The following ZNF677 variants were observed in gnomAD, a reference collection of about 807,000 sequenced individuals.
The protein encoded by ZNF677 is hypothetical protein MGC48625.
ZNF677 carries 5 observed loss-of-function variants against 8.1 expected under a neutral mutation model. The ratio of observed to expected loss-of-function variants is 0.62; its 90% CI spans 0.32 to 1.29. The LOEUF (loss-of-function observed/expected upper bound fraction) is 1.29. Among genes scored for constraint, ZNF677 ranks in the 50% most tolerant of loss-of-function variants. The probability of loss-of-function intolerance (pLI) is 0.05; values close to 1 mark genes in which losing one functional copy is unlikely to be tolerated. For synonymous variants in ZNF677, 221 were observed against 225.6 expected (o/e 0.98, Z 0.18); for missense variants, 685 against 685.9 (o/e 1.00, Z 0.01).
At position 53,237,083 on chromosome 19, in the gene ZNF677, A is replaced by G; in HGVS notation, c.1644T>C (p.His548=). 2.5e-6 allele frequency: 4 copies of G among 1,613,608 alleles called. No homozygotes were observed. The highest frequency in any genetic ancestry group is 3.4e-6 in the Non-Finnish European group (4 of 1,179,856). ...TTGAACTTTGGAATAAAGCATTACC[A>G]TGTATATTATGTTTACAATGTTTCT... ...IEKKHCKHNI[H]GNALFQSSNL... The change falls in exon 5 of 5, where the codon CAT becomes CAC. Residue 548 remains histidine, a synonymous_variant. Coordinates refer to ENST00000598513, the MANE Select transcript of ZNF677 (RefSeq NM_182609.4).
chr19:53,241,785 T>C (rs1373994105), intron 4 of ZNF677: 13 of 398,442 alleles, frequency 3.3e-5, no homozygotes. Flanking sequence ...TGTGACAGAT[T>C]AATTAATGTT....
chr19:53,238,117 T>G lies in ZNF677; in HGVS notation c.610A>C (p.Arg204=). Residue 204 remains arginine (R), a synonymous_variant, in exon 5 of 5, where the codon AGA becomes CGA. Coordinates refer to ENST00000598513, the MANE Select transcript of ZNF677 (RefSeq NM_182609.4). ...SLQAQLAELQ[R]FQTGEKMYEC... ...TACATTTTCTCCCCAGTTTGAAATC[T>G]CTGTAGTTCAGCCAGCTGTGCCTGT... 6.2e-7 allele frequency: 1 copy of G among 1,613,964 alleles called. No homozygotes were observed. The highest frequency in any genetic ancestry group is 1.1e-5 in the South Asian group (1 of 91,062).
At position 53,248,258 on chromosome 19, in the gene ZNF677, T is replaced by A. The variant is rs533673339; in HGVS notation, c.15+3278A>T. On this transcript the variant is annotated intron_variant, in intron 3 of 4. Coordinates refer to ENST00000598513, the MANE Select transcript of ZNF677 (RefSeq NM_182609.4). ...ATATAGCTCTGGCTGGTTCTCTTTATAATGTCAAAAATTACTTCTCTATGC... is the reference window on the plus strand; with the variant it reads ...ATATAGCTCTGGCTGGTTCTCTTTAAAATGTCAAAAATTACTTCTCTATGC... Among the ~76,000 whole-genome samples the A allele has an allele frequency of 2.0e-5, 3 of 152,348 alleles. No individual in the cohort carries two copies. The South Asian group carries it at 6.2e-4, about 32-fold the overall frequency.
intron 3 of ZNF677, among the ~76,000 whole-genome samples, chr19:53,250,016 G>A (rs971698473): frequency 6.6e-6 from 1 of 152,050 alleles, no homozygotes; most frequent in Admixed American, 6.5e-5. Flanking sequence ...GGGATTACAG[G>A]CACGTGCCAC....
In ZNF677 at chr19:53,251,571, C is replaced by T. The variant is rs1434158597; in HGVS notation, c.-21G>A. On this transcript the variant is annotated 5_prime_UTR_variant, in exon 3 of 5. Coordinates refer to ENST00000598513, the MANE Select transcript of ZNF677 (RefSeq NM_182609.4). ...GCCATTCCCTCCTCTTCTTTCTTTC[C>T]TCTTCCTCTGAGTTTCTTTCTCAGG... The T allele has an allele frequency of 1.9e-6, 3 of 1,613,806 alleles. No individual in the cohort carries two copies.
intron 4 of ZNF677, chr19:53,242,067 T>G (rs971942575): frequency 7.6e-6 from 3 of 394,388 alleles, no homozygotes; most frequent in Non-Finnish European, 1.3e-5. Context: ...GAGCAGCTGG[T>G]ATTACAGGCA....
At chr19:53,246,616 T>C (rs1255422906) in intron 3 of ZNF677, among the ~76,000 whole-genome samples, 1 of 152,066 alleles carries the variant, frequency 6.6e-6, no homozygotes, top group Non-Finnish European at 1.5e-5. Flanking sequence ...GAGTATGTTA[T>C]GTAAGTGAAA....
chr19:53,242,452 A>G (rs2091067980), intron 4 of ZNF677: 2 of 398,510 alleles, frequency 5.0e-6, no homozygotes, highest in South Asian at 2.5e-4. Flanking sequence ...TAAAAGAATG[A>G]GATATATTCC....
At chr19:53,250,569 C>T (rs2091218881) in intron 3 of ZNF677, among the ~76,000 whole-genome samples, 3 of 152,142 alleles carry the variant, frequency 2.0e-5, no homozygotes. Context: ...CAAACTAACA[C>T]AGGAACAGAA....
intron 2 of ZNF677, among the ~76,000 whole-genome samples, chr19:53,251,914 A>G (rs547506915): frequency 6.6e-6 from 1 of 152,328 alleles, no homozygotes; most frequent in Non-Finnish European, 1.5e-5. Flanking sequence ...CCAGTATCCA[A>G]TGACTGTCAG....
At position 53,244,273 on chromosome 19, in the gene ZNF677, G is replaced by A. The variant is rs1978051662; in HGVS notation, c.16-376C>T. ...AGCTACTCAGAAGGCTGAGGTGGGA[G>A]GATCACTTGCACCTGGGAGGTGGAG... On this transcript the variant is annotated intron_variant, in intron 3 of 4. Coordinates refer to ENST00000598513, the MANE Select transcript of ZNF677 (RefSeq NM_182609.4). 2.6e-5 allele frequency among the ~76,000 whole-genome samples: 4 copies of A among 152,158 alleles called. No homozygotes were observed. In the South Asian group the frequency reaches 8.3e-4, roughly 32 times the overall value.
rs2090967002 is a variant in ZNF677, at chr19:53,235,689, A to C, written c.*1283T>G. 6.6e-6 allele frequency: 1 copy of C among 152,074 alleles called. No individual in the cohort carries two copies. Among genetic ancestry groups the C allele is most frequent in the Non-Finnish European group, 1.5e-5 (1 of 68,006 alleles). The allele number at this position is 152,074 out of a possible 1,614,324, so 9.4% of individuals were successfully genotyped here. ...GCAGTCTCTAGTAACCGACCATTTC[A>C]CTTCCATGAAAATCTCTCAATGTCC... is the stretch of plus-strand genomic sequence containing the variant. On this transcript the variant is annotated 3_prime_UTR_variant, in exon 5 of 5. Coordinates refer to ENST00000598513, the MANE Select transcript of ZNF677 (RefSeq NM_182609.4).
At chr19:53,239,728 T>C (rs1259618356) in intron 4 of ZNF677, 2 of 152,208 alleles carry the variant, frequency 1.3e-5, no homozygotes, top group Admixed American at 6.5e-5. Flanking sequence ...GCATACTAAA[T>C]GCTATGCAAG....
At chr19:53,242,573 C>G (rs763286587) in intron 4 of ZNF677, 2 of 395,802 alleles carry the variant, frequency 5.1e-6, no homozygotes, top group Non-Finnish European at 8.9e-6. Context: ...GTGGCAAAAG[C>G]AGAACTGAAG....
At position 53,235,684 on chromosome 19, in the gene ZNF677, AT is replaced by A. The variant is rs2090966922; in HGVS notation, c.*1287del. 1 of 152,030 alleles carries A rather than the reference AT, an allele frequency of 6.6e-6. No individual in the cohort carries two copies. Among genetic ancestry groups the A allele is most frequent in the South Asian group, 2.1e-4 (1 of 4,818 alleles). The allele number at this position is 152,030 out of a possible 1,614,324, so 9.4% of individuals were successfully genotyped here. ...CATATGCAGTCTCTAGTAACCGACCATTTCACTTCCATGAAAATCTCTCAAT... is the reference window on the plus strand; with the variant it reads ...CATATGCAGTCTCTAGTAACCGACCATTCACTTCCATGAAAATCTCTCAAT... On this transcript the variant is annotated 3_prime_UTR_variant, in exon 5 of 5. Transcript: ENST00000598513.
chr19:53,249,793 C>A (rs1325761089), intron 3 of ZNF677, among the ~76,000 whole-genome samples: 3 of 152,134 alleles, frequency 2.0e-5, no homozygotes, highest in Admixed American at 1.3e-4. Context: ...GAATTTGGCT[C>A]CTGCCTCTCT....
chr19:53,253,010 G>A (rs962906818), intron 2 of ZNF677, 76 bp downstream of exon 2: 44 of 152,242 alleles, frequency 2.9e-4, no homozygotes, highest in African/African-American at 1.0e-3. Context: ...ATTATATACT[G>A]TATTCTTATA....
In ZNF677 at chr19:53,243,736, G is replaced by T. The variant is rs1278211210; in HGVS notation, c.169+8C>A. 6.2e-7 allele frequency: 1 copy of T among 1,614,044 alleles called. No individual in the cohort carries two copies. The highest frequency in any genetic ancestry group is 1.3e-5 in the African/African-American group (1 of 74,926). ...AGGAAAAATGTAAAGATGTACAAGG[G>T]TGGTTACCATCTTCTGGAGGGATGT... is the stretch of plus-strand genomic sequence containing the variant. On this transcript the variant is annotated splice_region_variant and intron_variant, in intron 4 of 4. Coordinates refer to ENST00000598513, the MANE Select transcript of ZNF677 (RefSeq NM_182609.4).
chr19:53,243,454 G>C (rs2091086703), intron 4 of ZNF677: 1 of 467,048 alleles, frequency 2.1e-6, no homozygotes, highest in Admixed American at 3.8e-5. Context: ...AAAAACTACT[G>C]AATCAAAGGC....
Sources: gnomAD v4.1 joint callset for allele counts (sites outside exome capture counted in the v4.1 genomes callset) on GRCh38, gnomAD v4.1.1 for gene constraint, MANE v1.5 for transcripts, NCBI Gene and HGNC (gene_info 2026-07-23, HGNC 2026-07-21) for gene names.